Variants in DSCAM observed in about 807,000 individuals in gnomAD.
DSCAM encodes the protein cell adhesion molecule DSCAM.
Under a neutral mutation model 217.7 loss-of-function variants are expected in DSCAM, and 47 were observed. The observed-to-expected ratio is 0.22, with a 90% CI of 0.17 to 0.28. DSCAM has a LOEUF of 0.28. DSCAM is among the 10% of genes least tolerant of loss of function. DSCAM has a pLI of 1.00. For synonymous variants in DSCAM, 1,056 were observed against 1,015.3 expected (o/e 1.04, Z -0.76); for missense variants, 2,080 against 2,618.3 (o/e 0.79, Z 4.49).
At chr21:40,427,895 A>C (rs1303811704) in intron 3 of DSCAM, among the ~76,000 whole-genome samples, 1 of 152,186 alleles carries the variant, frequency 6.6e-6, no homozygotes, top group Non-Finnish European at 1.5e-5. Flanking sequence ...CTGAGGCAGA[A>C]AGCCCCATTT....
chr21:40,836,504 T>G (rs1163386980), intron 1 of DSCAM, among the ~76,000 whole-genome samples: 1 of 152,234 alleles, frequency 6.6e-6, no homozygotes, highest in Non-Finnish European at 1.5e-5. Flanking sequence ...TCCCGAAAGA[T>G]GCCCAAATTC....
At chr21:40,130,691 A>G (rs964643915) in intron 19 of DSCAM, among the ~76,000 whole-genome samples, 7 of 152,216 alleles carry the variant, frequency 4.6e-5, no homozygotes, top group Non-Finnish European at 1.0e-4. Flanking sequence ...GAATGTGTCC[A>G]TGGAACTGTG....
intron 16 of DSCAM, among the ~76,000 whole-genome samples, chr21:40,166,221 G>T (rs182142855): frequency 6.6e-6 from 1 of 152,278 alleles, no homozygotes; most frequent in East Asian, 1.9e-4. Flanking sequence ...GGTGTGTGAT[G>T]TGAAGACCTT....
intron 11 of DSCAM, among the ~76,000 whole-genome samples, chr21:40,222,803 T>C (rs1468737264): frequency 6.6e-6 from 1 of 152,174 alleles, no homozygotes; most frequent in Non-Finnish European, 1.5e-5. Context: ...CCCTTTGGAA[T>C]CTTCAAGAAT....
chr21:40,584,770 C>T (rs999716399), intron 3 of DSCAM, among the ~76,000 whole-genome samples: 1 of 152,114 alleles, frequency 6.6e-6, no homozygotes, highest in African/African-American at 2.4e-5. Context: ...GTCAAAAATC[C>T]ATCTTGGTGA....
At position 40,353,837 on chromosome 21, in the gene DSCAM, C is replaced by T. The variant is rs535588420; in HGVS notation, c.656-94G>A. 2.8e-5 allele frequency: 31 copies of T among 1,104,818 alleles called. No individual in the cohort carries two copies. The African/African-American group carries it at 3.7e-4, about 13-fold the overall frequency. The allele number at this position is 1,104,818 out of a possible 1,614,324, so 68.4% of individuals were successfully genotyped here. ...CTTCATGTATAACTTAAATACGGTGCATCATACCAACTATTGATACAGATC... is the reference window on the plus strand; with the variant it reads ...CTTCATGTATAACTTAAATACGGTGTATCATACCAACTATTGATACAGATC... On this transcript the variant is annotated intron_variant, in intron 4 of 32. Coordinates refer to ENST00000400454, the MANE Select transcript of DSCAM (RefSeq NM_001389.5).
At chr21:40,682,639 A>G (rs1601846052) in intron 3 of DSCAM, among the ~76,000 whole-genome samples, 1 of 120,754 alleles carries the variant, frequency 8.3e-6, no homozygotes, top group Non-Finnish European at 1.7e-5. Flanking sequence ...GAGAGAAAGA[A>G]AGAGGAAGGG....
Position 40,011,717 on chromosome 21 carries a change from A to G in DSCAM, c.*1317T>C, listed in dbSNP as rs2088058525. ...CCACATGGGAGATAAAGTGAGGGAA[A>G]GGAAAGTAAAAACTTAGATTTTAGA... is the stretch of plus-strand genomic sequence containing the variant. On this transcript the variant is annotated 3_prime_UTR_variant, in exon 33 of 33. Transcript: ENST00000400454. 3.3e-5 allele frequency: 5 copies of G among 152,354 alleles called. No homozygotes were observed. In the South Asian group the frequency reaches 1.0e-3, roughly 32 times the overall value. 9.4% of individuals were successfully genotyped at this position (152,354 alleles called of 1,614,324 possible).
At chr21:40,694,115 G>A (rs1030649885) in intron 2 of DSCAM, among the ~76,000 whole-genome samples, 2 of 152,166 alleles carry the variant, frequency 1.3e-5, no homozygotes, top group African/African-American at 4.8e-5. Context: ...CCCAGGGTTG[G>A]GGAAGATCTG....
At chr21:40,249,505 C>T (rs2073273641) in intron 11 of DSCAM, among the ~76,000 whole-genome samples, 1 of 152,102 alleles carries the variant, frequency 6.6e-6, no homozygotes, top group Non-Finnish European at 1.5e-5. Flanking sequence ...TTTTTTTCTT[C>T]CCAGTCTCGG....
intron 3 of DSCAM, among the ~76,000 whole-genome samples, chr21:40,686,188 ACAC>A (rs1320422138): frequency 3.5e-5 from 5 of 143,202 alleles, no homozygotes; most frequent in African/African-American, 1.3e-4. Flanking sequence ...CAGAGCACAC[ACAC>A]CACATAGCAC....
At chr21:40,324,122 A>G (rs1457103476) in intron 8 of DSCAM, among the ~76,000 whole-genome samples, 28 of 144,030 alleles carry the variant, frequency 1.9e-4, no homozygotes, top group South Asian at 2.1e-4. Flanking sequence ...AAAAAAAAAA[A>G]AAAAAAAAAG....
At chr21:40,277,000 G>A (rs1038181641) in intron 10 of DSCAM, among the ~76,000 whole-genome samples, 1 of 151,984 alleles carries the variant, frequency 6.6e-6, no homozygotes, top group East Asian at 1.9e-4. Flanking sequence ...TAGAAATAAT[G>A]AAACAGATTA....
intron 3 of DSCAM, among the ~76,000 whole-genome samples, chr21:40,465,737 A>G (rs900796414): frequency 3.3e-5 from 5 of 152,178 alleles, no homozygotes; most frequent in Non-Finnish European, 7.3e-5. Flanking sequence ...TTCCCCAGGG[A>G]AGCCAAAAGA....
At chr21:40,330,007 G>A (rs2074359236) in intron 8 of DSCAM, among the ~76,000 whole-genome samples, 1 of 151,962 alleles carries the variant, frequency 6.6e-6, no homozygotes, top group Non-Finnish European at 1.5e-5. Flanking sequence ...AATGTTTACA[G>A]TGAATGTAAA....
chr21:40,719,833 C>T (rs1473737912), intron 1 of DSCAM, among the ~76,000 whole-genome samples: 1 of 152,070 alleles, frequency 6.6e-6, no homozygotes, highest in African/African-American at 2.4e-5. Flanking sequence ...GAGGTGGCAT[C>T]CAAGGTGCAG....
intron 3 of DSCAM, among the ~76,000 whole-genome samples, chr21:40,442,517 G>GTTTTT (rs35821647): frequency 2.4e-5 from 1 of 41,884 alleles, no homozygotes; most frequent in African/African-American, 7.2e-5. Flanking sequence ...TTTTTTTTTT[G>GTTTTT]TTTTTTTTTT....
intron 3 of DSCAM, among the ~76,000 whole-genome samples, chr21:40,572,880 A>T (rs1391969096): frequency 1.3e-5 from 2 of 152,176 alleles, no homozygotes; most frequent in Non-Finnish European, 2.9e-5. Flanking sequence ...AACATAGGAG[A>T]TTTTAATACT....
At chr21:40,526,960 G>A (rs931312147) in intron 3 of DSCAM, among the ~76,000 whole-genome samples, 4 of 152,038 alleles carry the variant, frequency 2.6e-5, no homozygotes, top group Non-Finnish European at 5.9e-5. Flanking sequence ...CTGTGTTCCT[G>A]AGCCCCTGCA....
Sources: allele counts gnomAD v4.1 joint callset (sites outside exome capture counted in the v4.1 genomes callset), GRCh38; gene constraint gnomAD v4.1.1; transcripts MANE v1.5; gene names NCBI Gene and HGNC (gene_info 2026-07-23, HGNC 2026-07-21).